CHD9: variants seen among roughly 807,000 people sequenced by gnomAD.
CHD9 encodes ATP-dependent chromatin remodeler CHD9.
A neutral mutation model predicts 316.1 loss-of-function variants in CHD9; 77 were observed. That is an observed-to-expected ratio of 0.24 (90% CI 0.20 to 0.29). The LOEUF (loss-of-function observed/expected upper bound fraction) is 0.29. CHD9 is among the 10% of genes least tolerant of loss of function. The pLI is 1.00. For missense variants in CHD9, 2,763 were observed against 3,438.1 expected, an observed-to-expected ratio of 0.80 and a Z score of 4.91; for synonymous variants, 1,129 against 1,158.3, an observed-to-expected ratio of 0.97 and a Z score of 0.51.
rs1215986348 is a variant in CHD9, at chr16:53,247,406, T to C, written c.3568T>C (p.Leu1190=). 1 of 1,608,932 alleles carries C rather than the reference T, an allele frequency of 6.2e-7. No individual in the cohort carries two copies. Among genetic ancestry groups the C allele is most frequent in the South Asian group, 1.1e-5 (1 of 89,820 alleles). Residue 1190 remains leucine (L), a synonymous_variant, in exon 16 of 39, where the codon TTG becomes CTG. Transcript: ENST00000447540. ...TGGTAAATTGGTCCTTATTGATAAA[T>C]TGCTTCCCAAAATGAAAGCCGGAGG... ...SAGKLVLIDK[L]LPKMKAGGHK...
At chr16:53,139,467 A>G (rs1293989802) in intron 1 of CHD9, among the ~76,000 whole-genome samples, 1 of 152,188 alleles carries the variant, frequency 6.6e-6, no homozygotes, top group African/African-American at 2.4e-5. Flanking sequence ...TACAGTGGTG[A>G]TGGTAATACA....
intron 2 of CHD9, among the ~76,000 whole-genome samples, chr16:53,182,115 C>T (rs1158009743): frequency 6.6e-6 from 1 of 152,212 alleles, no homozygotes; most frequent in Non-Finnish European, 1.5e-5. Flanking sequence ...TAAGCATGCA[C>T]ACACTCATGG....
chr16:53,223,855 G>A (rs2047438914), intron 4 of CHD9, among the ~76,000 whole-genome samples: 1 of 151,838 alleles, frequency 6.6e-6, no homozygotes, highest in Non-Finnish European at 1.5e-5. Context: ...ATAAATGATG[G>A]AAAGATCCAT....
In CHD9 at chr16:53,326,988, A is replaced by G. The variant is rs971850231; in HGVS notation, c.*2093A>G. ...GTCAAATAAATTTGGTTAACATCCT[A>G]GTGATTCTCTTTCTATATAATAAGG... On this transcript the variant is annotated 3_prime_UTR_variant, in exon 39 of 39. Coordinates refer to ENST00000447540, the MANE Select transcript of CHD9 (RefSeq NM_001308319.2). 2.6e-5 allele frequency: 4 copies of G among 152,458 alleles called. No individual in the cohort carries two copies. Among genetic ancestry groups the G allele is most frequent in the African/African-American group, 9.7e-5 (4 of 41,432 alleles). The allele number at this position is 152,458 out of a possible 1,614,324, so 9.4% of individuals were successfully genotyped here.
chr16:53,141,218 A>G (rs916510215), intron 1 of CHD9, among the ~76,000 whole-genome samples: 2 of 152,208 alleles, frequency 1.3e-5, no homozygotes, highest in African/African-American at 4.8e-5. Context: ...CCCTATTTAC[A>G]GATGAAGAAA....
At chr16:53,101,413 C>G (rs2152569212) in intron 1 of CHD9, among the ~76,000 whole-genome samples, 1 of 151,982 alleles carries the variant, frequency 6.6e-6, no homozygotes, top group Non-Finnish European at 1.5e-5. Flanking sequence ...TAGCTGGGAC[C>G]ACAGGCATGT....
intron 2 of CHD9, among the ~76,000 whole-genome samples, chr16:53,178,651 G>A (rs181505817): frequency 9.2e-5 from 14 of 152,074 alleles, no homozygotes; most frequent in African/African-American, 3.4e-4. Context: ...TTGTAGAGAT[G>A]AGACTCTCAC....
At chr16:53,318,723 G>A (rs1345805263) in intron 37 of CHD9, among the ~76,000 whole-genome samples, 1 of 152,124 alleles carries the variant, frequency 6.6e-6, no homozygotes, top group Admixed American at 6.6e-5. Flanking sequence ...GGTATCTAGT[G>A]GGTAGAAGCC....
chr16:53,131,208 GC>G (rs898008157), intron 1 of CHD9: 3 of 150,974 alleles, frequency 2.0e-5, no homozygotes, highest in Non-Finnish European at 4.4e-5. Context: ...GGCCGCCCCC[GC>G]CCGGCCAGCC....
chr16:53,281,243 T>A (rs938173842), intron 24 of CHD9, among the ~76,000 whole-genome samples: 5 of 152,198 alleles, frequency 3.3e-5, no homozygotes, highest in African/African-American at 1.2e-4. Flanking sequence ...TTACTTTCCC[T>A]GGCTTTTCCA....
At chr16:53,257,035 G>C (rs914742135) in intron 19 of CHD9, among the ~76,000 whole-genome samples, 1 of 152,138 alleles carries the variant, frequency 6.6e-6, no homozygotes, top group African/African-American at 2.4e-5. Context: ...AATAAAGTAG[G>C]AGATTATTAA....
At chr16:53,076,643 G>T (rs932179942) in intron 1 of CHD9, among the ~76,000 whole-genome samples, 7 of 151,574 alleles carry the variant, frequency 4.6e-5, no homozygotes, top group Non-Finnish European at 7.4e-5. Context: ...GCATGGTGGT[G>T]CATGCCTGTA....
chr16:53,173,541 C>T (rs1015169346), intron 2 of CHD9, among the ~76,000 whole-genome samples: 1 of 151,638 alleles, frequency 6.6e-6, no homozygotes, highest in Non-Finnish European at 1.5e-5. Context: ...ACTTAATTTA[C>T]CTAATTTTAT....
chr16:53,308,754 C>A lies in CHD9; in HGVS notation c.7122C>A (p.Asp2374Glu). ...AGAAAAGACCATTTGATGGTGAAGA[C>A]GGTGCTCTGGGGCAGCAGCAGTACC... ...LAQKRPFDGE[D>E]GALGQQQYLT... The change falls in exon 34 of 39, where the codon GAC becomes GAA. Residue 2374 changes from aspartate to glutamate, a missense_variant. By Grantham distance (45) the Asp-to-Glu change is conservative. Transcript: ENST00000447540. The A allele has an allele frequency of 1.2e-6, 2 of 1,613,180 alleles. No individual in the cohort carries two copies. The highest frequency in any genetic ancestry group is 1.7e-6 in the Non-Finnish European group (2 of 1,179,420).
intron 2 of CHD9, among the ~76,000 whole-genome samples, chr16:53,198,488 G>C (rs985934831): frequency 6.6e-6 from 1 of 151,704 alleles, no homozygotes; most frequent in Non-Finnish European, 1.5e-5. Context: ...CACCACACCC[G>C]GCTAATTTTT....
At chr16:53,164,820 CT>C (rs1193278880) in intron 2 of CHD9, among the ~76,000 whole-genome samples, 2 of 151,540 alleles carry the variant, frequency 1.3e-5, no homozygotes, top group Non-Finnish European at 2.9e-5. Context: ...TACCTGGCTA[CT>C]TTTTTGTATT....
chr16:53,271,880 A>C (rs937472958), intron 22 of CHD9, among the ~76,000 whole-genome samples: 4 of 152,176 alleles, frequency 2.6e-5, no homozygotes, highest in Admixed American at 2.0e-4. Context: ...AAATTTAAGC[A>C]TGTGTATTTT....
intron 7 of CHD9, among the ~76,000 whole-genome samples, chr16:53,228,356 T>G (rs570898998): frequency 4.0e-4 from 61 of 151,432 alleles, no homozygotes; most frequent in African/African-American, 1.4e-3. Flanking sequence ...AAAAAAAAGT[T>G]TTTTTTTTCC....
chr16:53,094,856 T>TTTGAAC (rs1255818472), intron 1 of CHD9, among the ~76,000 whole-genome samples: 3 of 152,028 alleles, frequency 2.0e-5, no homozygotes, highest in Non-Finnish European at 4.4e-5. Flanking sequence ...TCAGGTTGGT[T>TTTGAAC]TTGAACTCCT....
Sources: allele counts gnomAD v4.1 joint callset (sites outside exome capture counted in the v4.1 genomes callset), GRCh38; gene constraint gnomAD v4.1.1; transcripts MANE v1.5; gene names NCBI Gene and HGNC (gene_info 2026-07-23, HGNC 2026-07-21).